ZNF385B: variants seen among roughly 807,000 people sequenced by gnomAD.
ZNF385B encodes zinc finger protein 533.
A neutral mutation model predicts 39.2 loss-of-function variants in ZNF385B; 23 were observed. The ratio of observed to expected loss-of-function variants is 0.59; its 90% CI spans 0.42 to 0.83. The LOEUF is 0.83. Ranked by LOEUF, ZNF385B falls within the 40% of genes least tolerant of loss-of-function variation. The pLI is 0.00. For missense variants in ZNF385B, 552 were observed against 598.9 expected, an observed-to-expected ratio of 0.92 and a Z score of 0.82; for synonymous variants, 205 against 222.6, an observed-to-expected ratio of 0.92 and a Z score of 0.70.
intron 1 of ZNF385B, among the ~76,000 whole-genome samples, chr2:179,811,406 A>ATAC (rs1190562810): frequency 6.6e-6 from 1 of 152,192 alleles, no homozygotes; most frequent in Non-Finnish European, 1.5e-5. Flanking sequence ...ACTTCAAACT[A>ATAC]TACTATATGG....
intron 3 of ZNF385B, among the ~76,000 whole-genome samples, chr2:179,756,766 C>T (rs549315982): frequency 1.4e-4 from 22 of 152,260 alleles, no homozygotes; most frequent in South Asian, 2.1e-4. Context: ...TTGATCGAAT[C>T]GGCTAGTGAG....
intron 3 of ZNF385B, among the ~76,000 whole-genome samples, chr2:179,596,648 T>C (rs1008797819): frequency 3.3e-5 from 5 of 152,206 alleles, no homozygotes; most frequent in African/African-American, 1.2e-4. Context: ...AATCTTTTGA[T>C]CTTTCAAAGT....
chr2:179,573,756 AG>A (rs1685496727), intron 3 of ZNF385B, among the ~76,000 whole-genome samples: 1 of 152,136 alleles, frequency 6.6e-6, no homozygotes, highest in Non-Finnish European at 1.5e-5. Context: ...AAGTATTTTA[AG>A]TAAGCTCAGA....
chr2:179,832,252 A>G (rs1014318383), intron 1 of ZNF385B, among the ~76,000 whole-genome samples: 13 of 152,146 alleles, frequency 8.5e-5, no homozygotes, highest in African/African-American at 3.1e-4. Context: ...CATCCATTCC[A>G]GGATATTCCT....
Position 179,798,652 on chromosome 2 carries a change from C to T in ZNF385B, c.-154-27980G>A, listed in dbSNP as rs553606326. On this transcript the variant is annotated intron_variant, in intron 1 of 9. Coordinates refer to ENST00000410066, the MANE Select transcript of ZNF385B (RefSeq NM_152520.6). The stretch of plus-strand genomic sequence containing the variant: ...ATTACTAACCCCAATAACACACTCA[C>T]TGTAAATAATTTAAATTCTTTTTAC... 5.3e-5 allele frequency among the ~76,000 whole-genome samples: 8 copies of T among 152,212 alleles called. No individual in the cohort carries two copies. The East Asian group carries it at 1.5e-3, about 29-fold the overall frequency.
intron 5 of ZNF385B, among the ~76,000 whole-genome samples, chr2:179,498,658 T>C (rs2056469453): frequency 1.3e-5 from 2 of 151,886 alleles, no homozygotes; most frequent in African/African-American, 4.8e-5. Flanking sequence ...AAACACAACA[T>C]ACCCAAACCA....
At chr2:179,632,535 G>C (rs1249933788) in intron 3 of ZNF385B, among the ~76,000 whole-genome samples, 2 of 152,150 alleles carry the variant, frequency 1.3e-5, no homozygotes, top group Non-Finnish European at 2.9e-5. Flanking sequence ...CAGAATCTCT[G>C]GGACACATTT....
intron 1 of ZNF385B, chr2:179,802,805 T>C (rs774145070): frequency 3.9e-5 from 6 of 152,186 alleles, no homozygotes; most frequent in Non-Finnish European, 7.4e-5. Flanking sequence ...GTGTTCTCCA[T>C]GATACTATGC....
At chr2:179,738,648 A>G (rs187281904) in intron 3 of ZNF385B, among the ~76,000 whole-genome samples, 11 of 152,344 alleles carry the variant, frequency 7.2e-5, no homozygotes, top group African/African-American at 2.6e-4. Context: ...GAGGCTGCAC[A>G]TTAGAATCAC....
At position 179,554,003 on chromosome 2, in the gene ZNF385B, T is replaced by A. The variant is rs558005156; in HGVS notation, c.299-9034A>T. ...TTGTGCAACCTTGGACAAGTTATTT[T>A]ACTTATTTATACCTCCACTGTCTTT... On this transcript the variant is annotated intron_variant, in intron 3 of 9. Transcript: ENST00000410066. 5.4e-5 allele frequency among the ~76,000 whole-genome samples: 8 copies of A among 149,242 alleles called. 1 individual carries two copies. Among genetic ancestry groups the A allele is most frequent in the Admixed American group, 3.3e-4 (5 of 14,954 alleles).
chr2:179,727,073 C>A (rs914728781), intron 3 of ZNF385B, among the ~76,000 whole-genome samples: 4 of 151,932 alleles, frequency 2.6e-5, no homozygotes, highest in Admixed American at 6.6e-5. Flanking sequence ...TTTCAGGGAG[C>A]ACTCAGACTA....
intron 1 of ZNF385B, among the ~76,000 whole-genome samples, chr2:179,839,832 C>T (rs993070896): frequency 6.6e-6 from 1 of 152,146 alleles, no homozygotes; most frequent in African/African-American, 2.4e-5. Flanking sequence ...GTGGGAGAGG[C>T]CACCTTGAGA....
intron 3 of ZNF385B, among the ~76,000 whole-genome samples, chr2:179,759,194 T>C (rs568728998): frequency 6.6e-6 from 1 of 152,298 alleles, no homozygotes; most frequent in East Asian, 1.9e-4. Flanking sequence ...TAGTTCTACA[T>C]AGAGAACTAA....
chr2:179,748,194 G>A (rs749642324), intron 3 of ZNF385B, among the ~76,000 whole-genome samples: 54 of 152,048 alleles, frequency 3.6e-4, no homozygotes, highest in Non-Finnish European at 6.0e-4. Context: ...AAGCAGAGCA[G>A]ATATGTGGCA....
chr2:179,663,157 C>T (rs1345189607), intron 3 of ZNF385B, among the ~76,000 whole-genome samples: 1 of 152,152 alleles, frequency 6.6e-6, no homozygotes, highest in Non-Finnish European at 1.5e-5. Flanking sequence ...GTACTTGAAA[C>T]CATAAATTGC....
At chr2:179,803,344 A>G (rs1488703180) in intron 1 of ZNF385B, among the ~76,000 whole-genome samples, 2 of 152,202 alleles carry the variant, frequency 1.3e-5, no homozygotes, top group Non-Finnish European at 2.9e-5. Flanking sequence ...CAAAGTAATC[A>G]GTGTGGTATT....
chr2:179,597,199 G>A (rs67636064), intron 3 of ZNF385B, among the ~76,000 whole-genome samples: 37,582 of 151,970 alleles, frequency 0.25, 5,753 homozygotes, highest in Non-Finnish European at 0.33. Context: ...TACATTTTTA[G>A]CTACTTGTTA....
rs569414181 is a variant in ZNF385B at position 179,629,937 on chromosome 2, T to C, written c.299-84968A>G. On this transcript the variant is annotated intron_variant, in intron 3 of 9. Coordinates refer to ENST00000410066, the MANE Select transcript of ZNF385B (RefSeq NM_152520.6). The stretch of plus-strand genomic sequence containing the variant: ...GCTAGCACAGCAGTCTGAGATTGAA[T>C]TGCGAGGCAGCAGCCTGGCTGGGGG... Among the ~76,000 whole-genome samples, 28 of 152,318 alleles carry C rather than the reference T, an allele frequency of 1.8e-4. 1 individual carries two copies. The highest frequency in any genetic ancestry group is 6.5e-4 in the African/African-American group (27 of 41,580).
At chr2:179,522,504 A>G (rs1465195468) in intron 4 of ZNF385B, among the ~76,000 whole-genome samples, 1 of 132,858 alleles carries the variant, frequency 7.5e-6, no homozygotes, top group East Asian at 2.3e-4. Flanking sequence ...AATGCAAGTA[A>G]CTCATTTTAG....
Sources: allele counts gnomAD v4.1 joint callset (sites outside exome capture counted in the v4.1 genomes callset), GRCh38; gene constraint gnomAD v4.1.1; transcripts MANE v1.5; gene names NCBI Gene and HGNC (gene_info 2026-07-23, HGNC 2026-07-21).